GCNA: variants seen among roughly 807,000 people sequenced by gnomAD.
The protein encoded by GCNA is germ cell nuclear acidic peptidase.
GCNA carries 3 observed loss-of-function variants against 38.8 expected under a neutral mutation model. The ratio of observed to expected loss-of-function variants is 0.08; its 90% confidence interval spans 0.04 to 0.20. The LOEUF (loss-of-function observed/expected upper bound fraction) is 0.20. Among genes scored for constraint, GCNA ranks in the 10% least tolerant of loss-of-function variants. The pLI is 1.00. For synonymous variants in GCNA, 195 were observed against 240.2 expected (o/e 0.81, Z 1.74); for missense variants, 446 against 578.6 (o/e 0.77, Z 2.35).
At chrX:71,590,611 G>T (rs1377800002) in intron 2 of GCNA, among the ~76,000 whole-genome samples, 1 of 111,745 alleles carries the variant, frequency 8.9e-6, no homozygotes, top group Non-Finnish European at 1.9e-5. Flanking sequence ...TATTTTGAAA[G>T]ATTGGAAAAG....
At position 71,612,571 on chromosome X, in the gene GCNA, C is replaced by T. The variant is rs368655331; in HGVS notation, c.1955+12C>T. On this transcript the variant is annotated intron_variant, in intron 12 of 12. Coordinates refer to ENST00000373696, the MANE Select transcript of GCNA (RefSeq NM_052957.5). The stretch of plus-strand genomic sequence containing the variant: ...GGATGCAAAACGAGGTAAGACTCTT[C>T]TCAGACTTTTCCCAGTTACGTTTTG... The T allele has an allele frequency of 9.8e-4, 1,171 of 1,192,672 alleles. No individual in the cohort carries two copies. The highest frequency in any genetic ancestry group is 1.2e-3 in the Non-Finnish European group (1,092 of 883,612).
intron 2 of GCNA, among the ~76,000 whole-genome samples, chrX:71,589,188 T>C (rs1416484222): frequency 9.0e-6 from 1 of 110,669 alleles, no homozygotes; most frequent in African/African-American, 3.3e-5. Flanking sequence ...TTTTTTTTTT[T>C]AAATGTATCT....
chrX:71,613,000 G>A lies in GCNA; in HGVS notation c.*18G>A, dbSNP rs768329092. The A allele has an allele frequency of 1.7e-6, 2 of 1,208,676 alleles. No individual in the cohort carries two copies. Among genetic ancestry groups the A allele is most frequent in the Non-Finnish European group, 2.2e-6 (2 of 893,221 alleles). Reference sequence around the variant, plus strand: ...ACGTGTGACCATTTGCTGTGTATGTGCAGAAGTATTATAGAAAAATTATGC... The same window carrying A: ...ACGTGTGACCATTTGCTGTGTATGTACAGAAGTATTATAGAAAAATTATGC... On this transcript the variant is annotated 3_prime_UTR_variant, in exon 13 of 13. Coordinates refer to ENST00000373696, the MANE Select transcript of GCNA (RefSeq NM_052957.5).
intron 2 of GCNA, among the ~76,000 whole-genome samples, chrX:71,581,477 T>C (rs1477571557): frequency 2.3e-4 from 26 of 111,792 alleles, no homozygotes; most frequent in African/African-American, 3.3e-5. Context: ...CTCACAGATA[T>C]GCATGCAAGG....
At chrX:71,602,992 A>T (rs778199860) in intron 7 of GCNA, among the ~76,000 whole-genome samples, 1 of 112,431 alleles carries the variant, frequency 8.9e-6, no homozygotes, top group Non-Finnish European at 1.9e-5. Context: ...ATTCTTTTGC[A>T]TATGGATATC....
intron 2 of GCNA, among the ~76,000 whole-genome samples, chrX:71,589,260 C>T (rs1339612965): frequency 9.4e-6 from 1 of 106,801 alleles, no homozygotes; most frequent in East Asian, 2.9e-4. Context: ...CTTCTTCCTT[C>T]AATGCATATA....
At chrX:71,588,193 A>T (rs2040597385) in intron 2 of GCNA, among the ~76,000 whole-genome samples, 1 of 112,010 alleles carries the variant, frequency 8.9e-6, no homozygotes, top group Non-Finnish European at 1.9e-5. Flanking sequence ...GATCCCTAGA[A>T]GTCATTCTTT....
intron 2 of GCNA, among the ~76,000 whole-genome samples, chrX:71,583,626 C>T (rs1460455123): frequency 9.1e-6 from 1 of 109,542 alleles, no homozygotes; most frequent in Non-Finnish European, 1.9e-5. Flanking sequence ...CATAAACTGA[C>T]ACAACCCTTT....
Position 71,581,395 on chromosome X carries a change from C to T in GCNA, c.59+515C>T, listed in dbSNP as rs1469279843. On this transcript the variant is annotated intron_variant, in intron 2 of 12. Coordinates refer to ENST00000373696, the MANE Select transcript of GCNA (RefSeq NM_052957.5). ...CCGGGTTGGAGTGCAGTGATGTGAT[C>T]AGGAGCTATTTTTAAGATAGCTGCC... is the stretch of plus-strand genomic sequence containing the variant. Among the ~76,000 whole-genome samples, 3 of 111,673 alleles carry T rather than the reference C, an allele frequency of 2.7e-5. No homozygotes were observed. In the Admixed American group the frequency reaches 2.9e-4, roughly 11 times the overall value.
intron 9 of GCNA, among the ~76,000 whole-genome samples, chrX:71,607,290 G>C (rs2040775240): frequency 8.9e-6 from 1 of 112,161 alleles, no homozygotes; most frequent in African/African-American, 3.2e-5. Context: ...TTTCAGGCTT[G>C]GGATGAAGAA....
chrX:71,589,476 T>G (rs2040610111), intron 2 of GCNA, among the ~76,000 whole-genome samples: 3 of 75,765 alleles, frequency 4.0e-5, no homozygotes, highest in African/African-American at 1.7e-4. Flanking sequence ...TTTTTTTTTT[T>G]TTTTTTTGAG....
rs74847303 is a variant in GCNA at position 71,604,102 on chromosome X, C to T, written c.825C>T (p.Pro275=). 1,304 of 1,196,918 alleles carry T rather than the reference C, an allele frequency of 1.1e-3. 6 individuals are homozygous for T. The African/African-American group carries it at 0.02, about 18-fold the overall frequency. Residue 275 remains proline (P), a synonymous_variant, in exon 8 of 13, where the codon CCC becomes CCT. Coordinates refer to ENST00000373696, the MANE Select transcript of GCNA (RefSeq NM_052957.5). ...ACAGCAGTGATGATTCGGAAGCTCC[C>T]GACGACAGCAGTGATGATTCGGAAG... ...PDDSSDDSEA[P]DDSSDDSEAS... is the part of the protein sequence containing the mutation.
At chrX:71,598,357 C>T (rs775652550) in intron 7 of GCNA, among the ~76,000 whole-genome samples, 1 of 111,712 alleles carries the variant, frequency 9.0e-6, no homozygotes, top group South Asian at 3.8e-4. Flanking sequence ...AGTATGGAGG[C>T]TGCTCTGTGA....
chrX:71,579,470 A>T (rs1790315559), intron 1 of GCNA, among the ~76,000 whole-genome samples: 1 of 90,006 alleles, frequency 1.1e-5, no homozygotes, highest in South Asian at 6.5e-4. Context: ...GAAGTGGCCT[A>T]GGAGCACGTG....
chrX:71,591,459 G>A (rs776480846), intron 2 of GCNA, among the ~76,000 whole-genome samples: 1 of 99,214 alleles, frequency 1.0e-5, no homozygotes, highest in Admixed American at 1.1e-4. Flanking sequence ...ATGAAACGGA[G>A]TTCAGTAGTT....
At chrX:71,602,967 T>G (rs1402036217) in intron 7 of GCNA, among the ~76,000 whole-genome samples, 1 of 112,448 alleles carries the variant, frequency 8.9e-6, no homozygotes, top group Non-Finnish European at 1.9e-5. Context: ...TAGCAAGAGA[T>G]AGGAGTCTAG....
intron 2 of GCNA, among the ~76,000 whole-genome samples, chrX:71,585,347 CAA>C (rs1334116789): frequency 1.8e-5 from 2 of 110,023 alleles, no homozygotes; most frequent in Non-Finnish European, 3.8e-5. Context: ...AGCAAAAGGT[CAA>C]ATTGCAGCTC....
chrX:71,599,474 C>T (rs1006981284), intron 7 of GCNA, among the ~76,000 whole-genome samples: 3 of 111,620 alleles, frequency 2.7e-5, no homozygotes, highest in Non-Finnish European at 5.6e-5. Context: ...AACCGGAGGC[C>T]ACCAGGTGCT....
rs753973450 is a variant in GCNA at position 71,613,023 on chromosome X, T to G, written c.*41T>G. ...GTGCAGAAGTATTATAGAAAAATTA[T>G]GCAGGAGATGGCTAGGATTAGCCTT... On this transcript the variant is annotated 3_prime_UTR_variant, in exon 13 of 13. Transcript: ENST00000373696. The G allele has an allele frequency of 5.8e-6, 7 of 1,201,675 alleles. No homozygotes were observed. The South Asian group carries it at 8.9e-5, about 15-fold the overall frequency.
Sources: allele counts gnomAD v4.1 joint callset (sites outside exome capture counted in the v4.1 genomes callset), GRCh38; gene constraint gnomAD v4.1.1; transcripts MANE v1.5; gene names NCBI Gene and HGNC (gene_info 2026-07-23, HGNC 2026-07-21).